Variants in LEMD3 observed in about 807,000 individuals in gnomAD.
The protein encoded by LEMD3 is LEM domain containing 3, also known as inner nuclear membrane protein Man1.
A neutral mutation model predicts 95.2 loss-of-function variants in LEMD3; 33 were observed. The observed-to-expected ratio is 0.35, with a 90% CI of 0.26 to 0.46. The LOEUF (loss-of-function observed/expected upper bound fraction) is 0.46. Among genes scored for constraint, LEMD3 ranks in the 20% least tolerant of loss-of-function variants. The probability of loss-of-function intolerance (pLI) is 1.00; values close to 1 mark genes in which losing one functional copy is unlikely to be tolerated. For synonymous variants in LEMD3, 525 were observed against 474.6 expected (o/e 1.11, Z -1.38); for missense variants, 1,210 against 1,192.8 (o/e 1.01, Z -0.21).
intron 1 of LEMD3, among the ~76,000 whole-genome samples, chr12:65,208,085 G>A (rs572061723): frequency 1.3e-5 from 2 of 152,116 alleles, no homozygotes; most frequent in African/African-American, 4.8e-5. Flanking sequence ...AAACATTTAA[G>A]GAATTTGATT....
chr12:65,196,394 C>G (rs550871629), intron 1 of LEMD3, among the ~76,000 whole-genome samples: 1 of 152,034 alleles, frequency 6.6e-6, no homozygotes, highest in East Asian at 1.9e-4. Flanking sequence ...TCTAATGTGC[C>G]TTGCAAATGA....
Position 65,176,880 on chromosome 12 carries a change from A to G in LEMD3, c.1522+5762A>G, listed in dbSNP as rs574144183. Among the ~76,000 whole-genome samples the G allele has an allele frequency of 3.3e-5, 5 of 152,340 alleles. No individual in the cohort carries two copies. The South Asian group carries it at 1.0e-3, about 32-fold the overall frequency. ...GCAAATATCTGTTGAATAAATGATC[A>G]CATATCAGGTACTCAGGATATATGC... On this transcript the variant is annotated intron_variant, in intron 1 of 12. Transcript: ENST00000308330.
intron 4 of LEMD3, among the ~76,000 whole-genome samples, chr12:65,233,915 G>A (rs1164716111): frequency 6.6e-6 from 1 of 152,142 alleles, no homozygotes. Flanking sequence ...CACACATAAT[G>A]TGTTAGATTT....
intron 2 of LEMD3, 52 bp from the exon 3 acceptor site, chr12:65,215,925 G>C: frequency 1.5e-6 from 1 of 647,834 alleles, no homozygotes; most frequent in Non-Finnish European, 2.7e-6. Flanking sequence ...GAATTATTTG[G>C]TGTTTTTTTT....
intron 1 of LEMD3, among the ~76,000 whole-genome samples, chr12:65,189,149 G>A (rs12306351): frequency 0.037 from 5,602 of 152,170 alleles, 347 homozygotes; most frequent in African/African-American, 0.13. Context: ...AAAGTTATGC[G>A]AATATGGTCT....
rs1871165916 is a variant in LEMD3, at chr12:65,247,985, T to C, written c.*1660T>C. ...GTCTTCCTGTATTTTATGTGCATCA[T>C]AGTGATTTATCTGAGCTTAGTGACC... is the stretch of plus-strand genomic sequence containing the variant. On this transcript the variant is annotated 3_prime_UTR_variant, in exon 13 of 13. Transcript: ENST00000308330. 1 of 152,522 alleles carries C rather than the reference T, an allele frequency of 6.6e-6. No individual in the cohort carries two copies. The highest frequency in any genetic ancestry group is 1.5e-5 in the Non-Finnish European group (1 of 68,006). 9.4% of individuals were successfully genotyped at this position (152,522 alleles called of 1,614,324 possible). A position where few individuals can be genotyped will look rare whatever the true frequency, so the allele number is the denominator to read the frequency against.
At chr12:65,187,361 C>T (rs951130794) in intron 1 of LEMD3, among the ~76,000 whole-genome samples, 1 of 151,928 alleles carries the variant, frequency 6.6e-6, no homozygotes, top group African/African-American at 2.4e-5. Context: ...TGTGTGTGTG[C>T]CTCTGTCTCT....
chr12:65,189,604 C>T (rs1218609248), intron 1 of LEMD3, among the ~76,000 whole-genome samples: 1 of 152,202 alleles, frequency 6.6e-6, no homozygotes, highest in Non-Finnish European at 1.5e-5. Flanking sequence ...ATCTGATATG[C>T]ACAAGGGTGC....
At chr12:65,245,420 T>G in intron 10 of LEMD3, 1 of 437,994 alleles carries the variant, frequency 2.3e-6, no homozygotes, top group Non-Finnish European at 4.2e-6. Flanking sequence ...ATTACAGGCA[T>G]GAGCCACCGC....
chr12:65,176,847 A>T (rs2136316876), intron 1 of LEMD3, among the ~76,000 whole-genome samples: 1 of 152,342 alleles, frequency 6.6e-6, no homozygotes, highest in East Asian at 1.9e-4. Flanking sequence ...GCACAGATTC[A>T]TTATTCAGCA....
In LEMD3 at chr12:65,248,138, T is replaced by C. The variant is rs1287814827; in HGVS notation, c.*1813T>C. The C allele has an allele frequency of 1.3e-5, 2 of 152,540 alleles. No individual in the cohort carries two copies. Among genetic ancestry groups the C allele is most frequent in the Non-Finnish European group, 2.9e-5 (2 of 67,992 alleles). 9.4% of individuals were successfully genotyped at this position (152,540 alleles called of 1,614,324 possible). On this transcript the variant is annotated 3_prime_UTR_variant, in exon 13 of 13. Transcript: ENST00000308330. The stretch of plus-strand genomic sequence containing the variant: ...ATTTCATGTAAACATTGTACATTTA[T>C]TATTGTAATATATACTATTATGCAG...
chr12:65,233,035 ATAAT>A (rs1870675655), intron 4 of LEMD3, among the ~76,000 whole-genome samples: 1 of 152,114 alleles, frequency 6.6e-6, no homozygotes, highest in African/African-American at 2.4e-5. Flanking sequence ...TTTTATGATA[ATAAT>A]TAAGGTTTAT....
rs539965590 is a variant in LEMD3, at chr12:65,172,752, AGTCTAGCTCT to A, written c.1522+1638_1522+1647del. On this transcript the variant is annotated intron_variant, in intron 1 of 12. Coordinates refer to ENST00000308330, the MANE Select transcript of LEMD3 (RefSeq NM_014319.5). ...TTTCTTTTTTTTTTTTTTTAGACAG[AGTCTAGCTCT>A]GTCGCTAGGCTGGAGTGCAGTGGCA... 6.0e-4 allele frequency among the ~76,000 whole-genome samples: 89 copies of A among 149,086 alleles called. 1 individual carries two copies. In the East Asian group the frequency reaches 0.017, roughly 28 times the overall value.
chr12:65,213,530 T>C (rs912958129), intron 2 of LEMD3, among the ~76,000 whole-genome samples: 1 of 152,196 alleles, frequency 6.6e-6, no homozygotes, highest in Admixed American at 6.5e-5. Flanking sequence ...CGGCCTTAAA[T>C]AAATTTTCAT....
At chr12:65,242,321 T>C (rs998792924) in intron 9 of LEMD3, among the ~76,000 whole-genome samples, 3 of 152,212 alleles carry the variant, frequency 2.0e-5, no homozygotes, top group Admixed American at 6.5e-5. Flanking sequence ...ATCTTTTTTT[T>C]CCCACTCTGC....
Position 65,195,515 on chromosome 12 carries a change from CCT to C in LEMD3, c.1523-15410_1523-15409del, listed in dbSNP as rs150004702. ...TTGCCAATTTCCAAATAGTTGTACC[CCT>C]GTTTTCCTCTTCTGATGAGTCATCT... On this transcript the variant is annotated intron_variant, in intron 1 of 12. Coordinates refer to ENST00000308330, the MANE Select transcript of LEMD3 (RefSeq NM_014319.5). Among the ~76,000 whole-genome samples, 428 of 152,100 alleles carry C rather than the reference CCT, an allele frequency of 2.8e-3. 9 individuals are homozygous for C. The highest frequency in any genetic ancestry group is 9.6e-3 in the African/African-American group (398 of 41,492).
intron 1 of LEMD3, among the ~76,000 whole-genome samples, chr12:65,202,961 G>A (rs1198863761): frequency 6.6e-6 from 1 of 151,978 alleles, no homozygotes; most frequent in Non-Finnish European, 1.5e-5. Context: ...CTAAACGCTT[G>A]TTAATTTCAT....
At chr12:65,242,295 A>G (rs1206966897) in intron 9 of LEMD3, among the ~76,000 whole-genome samples, 1 of 151,942 alleles carries the variant, frequency 6.6e-6, no homozygotes, top group Non-Finnish European at 1.5e-5. Flanking sequence ...TCTAGGTGTT[A>G]GAGTTTCTCA....
intron 1 of LEMD3, among the ~76,000 whole-genome samples, chr12:65,195,203 G>A (rs1256769950): frequency 1.3e-5 from 2 of 151,974 alleles, no homozygotes; most frequent in Non-Finnish European, 2.9e-5. Context: ...ATTTACATAA[G>A]CACTTACTTT....
Sources: gnomAD v4.1 joint callset for allele counts (sites outside exome capture counted in the v4.1 genomes callset) on GRCh38, gnomAD v4.1.1 for gene constraint, MANE v1.5 for transcripts, NCBI Gene and HGNC (gene_info 2026-07-23, HGNC 2026-07-21) for gene names.